NEDD4: variants seen among roughly 807,000 people sequenced by gnomAD.
NEDD4 encodes E3 ubiquitin-protein ligase NEDD4.
A neutral mutation model predicts 144.9 loss-of-function variants in NEDD4; 99 were observed. The observed-to-expected ratio is 0.68, with a 90% confidence interval of 0.58 to 0.81. The LOEUF (loss-of-function observed/expected upper bound fraction) is 0.81, where lower values mean the gene tolerates loss of function less well. Ranked by LOEUF, NEDD4 falls within the 30% of genes least tolerant of loss-of-function variation. NEDD4 has a pLI of 0.00. For synonymous variants in NEDD4, 318 were observed against 350.6 expected (o/e 0.91, Z 1.04); for missense variants, 985 against 1,065.9 (o/e 0.92, Z 1.06).
rs774297333 is a variant in NEDD4, at chr15:55,860,396, G to T, written c.960+11C>A. 1 of 1,612,906 alleles carries T rather than the reference G, an allele frequency of 6.2e-7. No homozygotes were observed. The highest frequency in any genetic ancestry group is 1.7e-5 in the Admixed American group (1 of 59,816). On this transcript the variant is annotated intron_variant, in intron 11 of 28. Transcript: ENST00000435532. ...CTACTGAAGCCGTAACAAAATCTAA[G>T]AGCATCTTACTGAGCTCGATGCTGG...
intron 5 of NEDD4, chr15:55,915,882 C>T (rs1253443039): frequency 6.2e-7 from 1 of 1,613,890 alleles, no homozygotes; most frequent in Admixed American, 1.7e-5. Flanking sequence ...TGAAAGAAAT[C>T]CTTTAGCACT....
chr15:55,964,692 G>GGTGTGT (rs58177503), intron 2 of NEDD4, among the ~76,000 whole-genome samples: 196 of 137,214 alleles, frequency 1.4e-3, no homozygotes, highest in East Asian at 8.6e-3. Flanking sequence ...TTTTGCTGCT[G>GGTGTGT]GTGTGTGTGT....
intron 4 of NEDD4, among the ~76,000 whole-genome samples, chr15:55,936,785 T>C (rs2036897225): frequency 2.0e-5 from 3 of 150,786 alleles, no homozygotes; most frequent in Non-Finnish European, 4.4e-5. Context: ...TATAATTTGC[T>C]ATTTCTTTTC....
intron 24 of NEDD4, among the ~76,000 whole-genome samples, chr15:55,837,157 C>T (rs760741466): frequency 6.6e-5 from 10 of 152,102 alleles, no homozygotes; most frequent in East Asian, 1.9e-4. Flanking sequence ...AGGCCGAGCA[C>T]GGTGGCTCAC....
At chr15:55,960,135 A>G (rs1322569134) in intron 2 of NEDD4, among the ~76,000 whole-genome samples, 5 of 152,068 alleles carry the variant, frequency 3.3e-5, no homozygotes, top group African/African-American at 1.2e-4. Context: ...CATACCCCCA[A>G]AGGACTGCAG....
At chr15:55,912,480 A>C (rs2036305552) in intron 5 of NEDD4, among the ~76,000 whole-genome samples, 1 of 152,152 alleles carries the variant, frequency 6.6e-6, no homozygotes. Flanking sequence ...AATAATTCTA[A>C]TAAAAATATG....
chr15:55,877,583 C>G (rs1268225274), intron 5 of NEDD4, among the ~76,000 whole-genome samples: 3 of 151,992 alleles, frequency 2.0e-5, no homozygotes, highest in African/African-American at 7.3e-5. Flanking sequence ...TGTAAATAGC[C>G]CATTTCTCAT....
In NEDD4 at chr15:55,893,640, CAT is replaced by C. The variant is rs1286652711; in HGVS notation, c.292-19634_292-19633del. Among the ~76,000 whole-genome samples the C allele has an allele frequency of 3.1e-4, 47 of 151,152 alleles. 1 individual carries two copies. The highest frequency in any genetic ancestry group is 1.9e-3 in the Admixed American group (29 of 15,154). ...GGTATTTGGACACATGATATTCGCACATGAGTGTCTCAGAAAAATAAGCAGAA... is the reference window on the plus strand; with the variant it reads ...GGTATTTGGACACATGATATTCGCACGAGTGTCTCAGAAAAATAAGCAGAA... On this transcript the variant is annotated intron_variant, in intron 5 of 28. Transcript: ENST00000435532.
At chr15:55,864,167 A>G (rs1316247765) in intron 8 of NEDD4, among the ~76,000 whole-genome samples, 1 of 152,204 alleles carries the variant, frequency 6.6e-6, no homozygotes, top group African/African-American at 2.4e-5. Context: ...CAGTAGGTCA[A>G]AGATTCTATT....
chr15:55,989,924 C>T (rs1289839342), intron 1 of NEDD4, among the ~76,000 whole-genome samples: 7 of 152,076 alleles, frequency 4.6e-5, no homozygotes, highest in East Asian at 1.9e-4. Context: ...ACATTACCTC[C>T]GGAGCTCTGC....
chr15:55,852,690 A>AATATATATATATATATAT (rs59736982), intron 12 of NEDD4, 147 bp from the exon 13 acceptor site: 56 of 182,340 alleles, frequency 3.1e-4, no homozygotes, highest in African/African-American at 1.4e-3. Flanking sequence ...CTTTTCTAGA[A>AATATATATATATATATAT]ATATATATAT....
At chr15:55,873,659 A>G (rs1394991734) in intron 6 of NEDD4, among the ~76,000 whole-genome samples, 1 of 151,598 alleles carries the variant, frequency 6.6e-6, no homozygotes, top group African/African-American at 2.4e-5. Context: ...GAGCTTAGGC[A>G]CTCCTCATTC....
chr15:55,993,086 C>A (rs1489546659), intron 1 of NEDD4, among the ~76,000 whole-genome samples: 1 of 152,242 alleles, frequency 6.6e-6, no homozygotes, highest in Non-Finnish European at 1.5e-5. Flanking sequence ...GTTAAGTCGG[C>A]CCGGCCTCCG....
chr15:55,829,738 A>G lies in NEDD4; in HGVS notation c.*159T>C. ...ACATTATTTAAAAGTGATTAAAAAT[A>G]AGTTGTCGTACTATTTCTTCAAATG... On this transcript the variant is annotated 3_prime_UTR_variant, in exon 29 of 29. Coordinates refer to ENST00000435532, the MANE Select transcript of NEDD4 (RefSeq NM_006154.4). The G allele has an allele frequency of 1.7e-6, 1 of 575,362 alleles. No homozygotes were observed. Among genetic ancestry groups the G allele is most frequent in the Non-Finnish European group, 3.1e-6 (1 of 325,122 alleles). The allele number at this position is 575,362 out of a possible 1,614,324, so 35.6% of individuals were successfully genotyped here.
chr15:55,981,555 G>A (rs567827354), intron 1 of NEDD4, among the ~76,000 whole-genome samples: 31 of 152,270 alleles, frequency 2.0e-4, no homozygotes, highest in African/African-American at 7.5e-4. Flanking sequence ...AAGTGTCCTT[G>A]TAAAGCTGGA....
chr15:55,946,048 C>A (rs1159003706), intron 4 of NEDD4, among the ~76,000 whole-genome samples: 1 of 152,132 alleles, frequency 6.6e-6, no homozygotes, highest in Non-Finnish European at 1.5e-5. Flanking sequence ...CACTGCAAAA[C>A]CATGCCAAAT....
At chr15:55,982,161 A>G (rs1237882184) in intron 1 of NEDD4, among the ~76,000 whole-genome samples, 1 of 152,232 alleles carries the variant, frequency 6.6e-6, no homozygotes, top group African/African-American at 2.4e-5. Flanking sequence ...GAACTTTCAC[A>G]TATTACCAAT....
intron 5 of NEDD4, chr15:55,916,897 C>T (rs1203192697): frequency 6.6e-7 from 1 of 1,523,928 alleles, no homozygotes; most frequent in African/African-American, 1.4e-5. Flanking sequence ...CGTAGACAGG[C>T]TAGAAGCAGC....
chr15:55,944,502 A>G (rs769440233), intron 4 of NEDD4, among the ~76,000 whole-genome samples: 20 of 152,236 alleles, frequency 1.3e-4, no homozygotes, highest in Non-Finnish European at 2.8e-4. Context: ...AACTAGGCAG[A>G]GCCCACCTCA....
Sources: allele counts gnomAD v4.1 joint callset (sites outside exome capture counted in the v4.1 genomes callset), GRCh38; gene constraint gnomAD v4.1.1; transcripts MANE v1.5; gene names NCBI Gene and HGNC (gene_info 2026-07-23, HGNC 2026-07-21).